The following PCMT1 variants were observed in gnomAD, a reference collection of about 807,000 sequenced individuals.
PCMT1 encodes protein-L-isoaspartate(D-aspartate) O-methyltransferase.
Under a neutral mutation model 29.2 loss-of-function variants are expected in PCMT1, and 9 were observed. The ratio of observed to expected loss-of-function variants is 0.31; its 90% CI spans 0.19 to 0.54. PCMT1 has a LOEUF of 0.54. Among genes scored for constraint, PCMT1 ranks in the 20% least tolerant of loss-of-function variants. The pLI is 0.95. For missense variants in PCMT1, 184 were observed against 282.2 expected (o/e 0.65, Z 2.49); for synonymous variants, 98 against 97.5 (o/e 1.00, Z -0.03).
chr6:149,751,123 C>T (rs574207927), intron 1 of PCMT1, among the ~76,000 whole-genome samples: 1 of 152,248 alleles, frequency 6.6e-6, no homozygotes, highest in Non-Finnish European at 1.5e-5. Context: ...TCGAGACCAG[C>T]CAGGCCGACA....
intron 1 of PCMT1, among the ~76,000 whole-genome samples, chr6:149,757,331 T>G (rs1786547974): frequency 6.6e-6 from 1 of 152,156 alleles, no homozygotes; most frequent in South Asian, 2.1e-4. Flanking sequence ...TGCTTGGCTG[T>G]ATTACATTCT....
intron 3 of PCMT1, among the ~76,000 whole-genome samples, chr6:149,783,221 C>T (rs1787888205): frequency 6.6e-6 from 1 of 151,992 alleles, no homozygotes; most frequent in Admixed American, 6.6e-5. Flanking sequence ...CAACCTCCGC[C>T]TTCTGGGTTA....
At chr6:149,792,996 A>G (rs896755579) in intron 4 of PCMT1, among the ~76,000 whole-genome samples, 1 of 151,986 alleles carries the variant, frequency 6.6e-6, no homozygotes, top group Non-Finnish European at 1.5e-5. Flanking sequence ...CCCTGTCTCT[A>G]CTAAAAATAC....
intron 3 of PCMT1, among the ~76,000 whole-genome samples, chr6:149,773,410 G>T (rs11961451): frequency 6.6e-6 from 1 of 151,762 alleles, no homozygotes; most frequent in African/African-American, 2.4e-5. Context: ...ATGGAGTCTC[G>T]CTCTGTCGCC....
At chr6:149,761,814 T>C in intron 1 of PCMT1, among the ~76,000 whole-genome samples, 1 of 152,186 alleles carries the variant, frequency 6.6e-6, no homozygotes, top group East Asian at 1.9e-4. Context: ...ACATTTACAT[T>C]TTGTTTTGAG....
intron 5 of PCMT1, 86 bp downstream of exon 5, chr6:149,793,755 A>AT (rs1227428961): frequency 1.7e-6 from 2 of 1,164,408 alleles, no homozygotes; most frequent in African/African-American, 1.6e-5. Context: ...CTCAGAGGTA[A>AT]TTATTGTATT....
chr6:149,787,359 AAT>A (rs940505595), intron 3 of PCMT1, among the ~76,000 whole-genome samples: 1 of 150,508 alleles, frequency 6.6e-6, no homozygotes, highest in African/African-American at 2.5e-5. Flanking sequence ...TCATTGATAA[AAT>A]AGTTATAATT....
At chr6:149,795,894 C>A (rs992310802) in intron 5 of PCMT1, 1 of 182,244 alleles carries the variant, frequency 5.5e-6, no homozygotes, top group Non-Finnish European at 1.1e-5. Context: ...CAGAACTTTT[C>A]AGTTCCGTTA....
chr6:149,796,455 T>C lies in PCMT1; in HGVS notation c.459T>C (p.Tyr153=). Reference sequence around the variant, plus strand: ...TGGGATATGCTGAAGAAGCCCCTTATGATGCCATTCATGTGGGAGCTGCAG... The same window carrying C: ...TGGGATATGCTGAAGAAGCCCCTTACGATGCCATTCATGTGGGAGCTGCAG... ...GRMGYAEEAP[Y]DAIHVGAAAP... The change falls in exon 6 of 8, where the codon TAT becomes TAC. Residue 153 remains tyrosine (Y), a synonymous_variant. Transcript: ENST00000464889. 1.2e-6 allele frequency: 2 copies of C among 1,613,926 alleles called. No individual in the cohort carries two copies. The highest frequency in any genetic ancestry group is 1.1e-5 in the South Asian group (1 of 91,038).
At chr6:149,808,435 G>A (rs772642039) in intron 7 of PCMT1, among the ~76,000 whole-genome samples, 10 of 151,984 alleles carry the variant, frequency 6.6e-5, no homozygotes, top group Non-Finnish European at 1.2e-4. Context: ...AATTGTGCAC[G>A]CGCTGGCAGC....
At chr6:149,772,191 C>T (rs1048032573) in intron 2 of PCMT1, 6 of 425,268 alleles carry the variant, frequency 1.4e-5, no homozygotes, top group East Asian at 7.2e-5. Context: ...TTCTGAACCC[C>T]GAAGGCACCT....
intron 3 of PCMT1, among the ~76,000 whole-genome samples, chr6:149,782,549 A>G (rs1787855320): frequency 2.0e-5 from 3 of 152,324 alleles, no homozygotes; most frequent in African/African-American, 7.2e-5. Context: ...AAAAGAGTCA[A>G]GTGCTCCTTG....
chr6:149,761,257 ATGTGTGTG>A (rs75507681), intron 1 of PCMT1, among the ~76,000 whole-genome samples: 1 of 146,988 alleles, frequency 6.8e-6, no homozygotes, highest in Non-Finnish European at 1.5e-5. Context: ...TGTAAGGGTG[ATGTGTGTG>A]TGTGTGTGTG....
At chr6:149,810,523 T>C in intron 7 of PCMT1, 93 bp from the exon 8 acceptor site, 1 of 890,074 alleles carries the variant, frequency 1.1e-6, no homozygotes, top group Non-Finnish European at 1.8e-6. Flanking sequence ...CAGCGCATTT[T>C]TATTGACTTA....
intron 7 of PCMT1, among the ~76,000 whole-genome samples, chr6:149,803,868 G>A (rs1037731757): frequency 2.7e-5 from 4 of 148,424 alleles, no homozygotes; most frequent in Non-Finnish European, 5.9e-5. Context: ...ATCATCTTAA[G>A]TCAGGAGTTT....
At chr6:149,770,124 T>C (rs1361361459) in intron 1 of PCMT1, among the ~76,000 whole-genome samples, 2 of 152,226 alleles carry the variant, frequency 1.3e-5, no homozygotes, top group African/African-American at 2.4e-5. Flanking sequence ...TTCACTTTGA[T>C]TGCTTTAGTT....
chr6:149,768,853 C>T (rs1357774471), intron 1 of PCMT1, among the ~76,000 whole-genome samples: 1 of 152,088 alleles, frequency 6.6e-6, no homozygotes, highest in Non-Finnish European at 1.5e-5. Context: ...TCTTGAACTC[C>T]TGACCTCAAG....
chr6:149,796,551 C>G (rs372495269), intron 6 of PCMT1, 51 bp downstream of exon 6: 4 of 1,255,498 alleles, frequency 3.2e-6, no homozygotes, highest in South Asian at 1.3e-5. Flanking sequence ...TAAAACTCTA[C>G]AAGACTTAAA....
intron 3 of PCMT1, among the ~76,000 whole-genome samples, chr6:149,784,801 C>G (rs975129957): frequency 6.6e-6 from 1 of 152,112 alleles, no homozygotes; most frequent in Non-Finnish European, 1.5e-5. Flanking sequence ...AAAGCAAATC[C>G]CAAACATACA....
Sources: allele counts gnomAD v4.1 joint callset (sites outside exome capture counted in the v4.1 genomes callset), GRCh38; gene constraint gnomAD v4.1.1; transcripts MANE v1.5; gene names NCBI Gene and HGNC (gene_info 2026-07-23, HGNC 2026-07-21).